GALNT13: variants seen among roughly 807,000 people sequenced by gnomAD.
GALNT13 encodes the protein polypeptide N-acetylgalactosaminyltransferase 13.
Under a neutral mutation model 64.2 loss-of-function variants are expected in GALNT13, and 28 were observed. The observed-to-expected ratio is 0.44, with a 90% CI of 0.32 to 0.60. GALNT13 has a LOEUF of 0.60. GALNT13 is among the 20% of genes least tolerant of loss of function. The pLI, the probability that GALNT13 is intolerant of heterozygous loss-of-function variation, is 0.05. For synonymous variants in GALNT13, 214 were observed against 224.6 expected (o/e 0.95, Z 0.42); for missense variants, 577 against 669.8 (o/e 0.86, Z 1.53).
intron 9 of GALNT13, among the ~76,000 whole-genome samples, chr2:154,313,085 T>A (rs1392926658): frequency 6.6e-6 from 1 of 151,656 alleles, no homozygotes; most frequent in East Asian, 2.0e-4. Flanking sequence ...TGATTAGCAT[T>A]TCAACAATTA....
chr2:154,167,657 A>G (rs1685108944), intron 4 of GALNT13, among the ~76,000 whole-genome samples: 3 of 152,186 alleles, frequency 2.0e-5, no homozygotes, highest in Admixed American at 2.0e-4. Flanking sequence ...GGTCAGTGTG[A>G]GTAGAGAGAC....
At chr2:153,430,966 A>G in the GALNT13 span, among the ~76,000 whole-genome samples, 2 of 151,948 alleles carry the variant, frequency 1.3e-5, no homozygotes, top group South Asian at 2.1e-4. Flanking sequence ...CCTGGCCAAC[A>G]TGGTGAAACC....
chr2:154,219,826 T>C lies in GALNT13; in HGVS notation c.312-22204T>C, dbSNP rs551284245. On this transcript the variant is annotated intron_variant, in intron 4 of 12. Transcript: ENST00000392825. ...GGAAGTGATCATTCCTAGCAGACAT[T>C]ATGATTTGCAGAAGCTTTAAGGGCT... Among the ~76,000 whole-genome samples, 6 of 152,124 alleles carry C rather than the reference T, an allele frequency of 3.9e-5. No homozygotes were observed. The South Asian group carries it at 1.2e-3, about 32-fold the overall frequency.
At chr2:153,319,197 A>T in the GALNT13 span, among the ~76,000 whole-genome samples, 14 of 152,344 alleles carry the variant, frequency 9.2e-5, no homozygotes, top group African/African-American at 3.4e-4. Context: ...AATATATTAC[A>T]GCCTTATTGT....
the GALNT13 span, among the ~76,000 whole-genome samples, chr2:153,412,713 A>G: frequency 6.6e-6 from 1 of 152,250 alleles, no homozygotes; most frequent in East Asian, 1.9e-4. Flanking sequence ...TCTTTTGTTC[A>G]AAGAACACCC....
the GALNT13 span, among the ~76,000 whole-genome samples, chr2:153,068,417 A>G: frequency 6.6e-6 from 1 of 152,168 alleles, no homozygotes; most frequent in African/African-American, 2.4e-5. Flanking sequence ...TTTTTGCTGA[A>G]GAGATGTTTA....
chr2:154,383,019 G>A (rs1698346704), intron 9 of GALNT13, among the ~76,000 whole-genome samples: 1 of 151,876 alleles, frequency 6.6e-6, no homozygotes, highest in Non-Finnish European at 1.5e-5. Context: ...GACCTTAAAT[G>A]ATACCTCTAA....
intron 4 of GALNT13, among the ~76,000 whole-genome samples, chr2:154,201,115 T>G (rs1687145486): frequency 6.6e-6 from 1 of 152,140 alleles, no homozygotes; most frequent in African/African-American, 2.4e-5. Flanking sequence ...AGAGCTATTA[T>G]CAAGTTCAGC....
the GALNT13 span, among the ~76,000 whole-genome samples, chr2:153,199,905 A>C: frequency 5.3e-5 from 8 of 152,354 alleles, no homozygotes; most frequent in South Asian, 1.7e-3. Context: ...TAATGTAATT[A>C]GTGTTAAATA....
the GALNT13 span, among the ~76,000 whole-genome samples, chr2:153,646,076 T>C: frequency 1.3e-5 from 2 of 152,072 alleles, no homozygotes; most frequent in African/African-American, 4.8e-5. Flanking sequence ...ATGGAGTAGA[T>C]TGAGGCTATT....
At chr2:153,474,867 G>T in the GALNT13 span, among the ~76,000 whole-genome samples, 4 of 129,238 alleles carry the variant, frequency 3.1e-5, no homozygotes, top group Non-Finnish European at 6.7e-5. Context: ...CTTCAGTGTG[G>T]CATGGTAGAA....
the GALNT13 span, among the ~76,000 whole-genome samples, chr2:153,578,762 A>AACAGT: frequency 6.6e-6 from 1 of 152,188 alleles, no homozygotes; most frequent in South Asian, 2.1e-4. Context: ...GGTCTGTAGC[A>AACAGT]ATGGTCAGTT....
chr2:153,560,874 A>G, the GALNT13 span, among the ~76,000 whole-genome samples: 1 of 152,084 alleles, frequency 6.6e-6, no homozygotes, highest in African/African-American at 2.4e-5. Context: ...ATTTTATTTG[A>G]ATTAATTACA....
At chr2:154,360,889 G>T (rs1697030495) in intron 9 of GALNT13, among the ~76,000 whole-genome samples, 1 of 152,076 alleles carries the variant, frequency 6.6e-6, no homozygotes, top group African/African-American at 2.4e-5. Flanking sequence ...TGAGGCATTT[G>T]ACTTGGGATT....
At chr2:154,286,120 T>A (rs1184224296) in intron 8 of GALNT13, among the ~76,000 whole-genome samples, 3 of 152,218 alleles carry the variant, frequency 2.0e-5, no homozygotes, top group Non-Finnish European at 4.4e-5. Flanking sequence ...TAAGATCGTG[T>A]CATCAGCAAA....
chr2:154,355,982 A>G (rs1696723578), intron 9 of GALNT13, among the ~76,000 whole-genome samples: 2 of 152,016 alleles, frequency 1.3e-5, no homozygotes, highest in African/African-American at 4.8e-5. Context: ...AAAAGTTGTC[A>G]TCAGGTTCTC....
intron 12 of GALNT13, among the ~76,000 whole-genome samples, chr2:154,440,857 G>T (rs1009891246): frequency 6.6e-6 from 1 of 152,064 alleles, no homozygotes; most frequent in Non-Finnish European, 1.5e-5. Context: ...TTTGATGTGC[G>T]ATTATATTTT....
the GALNT13 span, among the ~76,000 whole-genome samples, chr2:153,388,408 C>T: frequency 0.034 from 5,180 of 152,014 alleles, 267 homozygotes; most frequent in African/African-American, 0.12. Context: ...AGACGACTTC[C>T]CTCAGCTCTA....
chr2:154,264,991 G>T (rs1454911315), intron 8 of GALNT13, among the ~76,000 whole-genome samples: 1 of 149,848 alleles, frequency 6.7e-6, no homozygotes, highest in Non-Finnish European at 1.5e-5. Flanking sequence ...ATATATATAT[G>T]GAAAAGCAAT....
Sources: gnomAD v4.1 joint callset for allele counts (sites outside exome capture counted in the v4.1 genomes callset) on GRCh38, gnomAD v4.1.1 for gene constraint, MANE v1.5 for transcripts, NCBI Gene and HGNC (gene_info 2026-07-23, HGNC 2026-07-21) for gene names.